CLIP2: variants seen among roughly 807,000 people sequenced by gnomAD.
CLIP2 encodes CAP-Gly domain-containing linker protein 2.
A neutral mutation model predicts 111.7 loss-of-function variants in CLIP2; 41 were observed. The ratio of observed to expected loss-of-function variants is 0.37; its 90% CI spans 0.29 to 0.48. CLIP2 has a LOEUF of 0.48. Ranked by LOEUF, CLIP2 falls within the 20% of genes least tolerant of loss-of-function variation. CLIP2 has a pLI of 0.99. For synonymous variants in CLIP2, 660 were observed against 644.2 expected, an observed-to-expected ratio of 1.02 and a Z score of -0.37; for missense variants, 1,160 against 1,422.1, an observed-to-expected ratio of 0.82 and a Z score of 2.96.
At chr7:74,356,220 A>G (rs1554308421) in intron 4 of CLIP2, among the ~76,000 whole-genome samples, 190 bp from the exon 5 acceptor site, 1 of 151,892 alleles carries the variant, frequency 6.6e-6, no homozygotes, top group Admixed American at 6.6e-5. Context: ...GACCCTACTC[A>G]CCTATATCCT....
At position 74,319,682 on chromosome 7, in the gene CLIP2, A is replaced by G. The variant is rs998228775; in HGVS notation, c.121+2015A>G. ...AAAAAATTTTTTTAATTAGCCAGGC[A>G]TGGTAGTGTGTGCCTGTAGTCCCAA... On this transcript the variant is annotated intron_variant, in intron 2 of 16. Transcript: ENST00000223398. Among the ~76,000 whole-genome samples, 7 of 151,866 alleles carry G rather than the reference A, an allele frequency of 4.6e-5. 1 individual carries two copies. Among genetic ancestry groups the G allele is most frequent in the South Asian group, 4.2e-4 (2 of 4,816 alleles).
chr7:74,319,281 C>T (rs1482537060), intron 2 of CLIP2, among the ~76,000 whole-genome samples: 3 of 151,810 alleles, frequency 2.0e-5, no homozygotes, highest in Admixed American at 6.6e-5. Context: ...GGGAGGCCAA[C>T]ACTGGAGGAT....
At position 74,289,609 on chromosome 7, in the gene CLIP2, C is replaced by T. The variant is rs117754473; in HGVS notation, c.-193C>T. Reference sequence around the variant, plus strand: ...TCCCCGGCGCCAGGAGGGGGTGCAGCCGGTGGGCAGCGCCGCGCAGGGAGG... The same window carrying T: ...TCCCCGGCGCCAGGAGGGGGTGCAGTCGGTGGGCAGCGCCGCGCAGGGAGG... On this transcript the variant is annotated 5_prime_UTR_variant, in exon 1 of 17. Transcript: ENST00000223398. The T allele has an allele frequency of 0.068, 10,363 of 152,006 alleles. 447 individuals carry two copies. The highest frequency in any genetic ancestry group is 0.19 in the South Asian group (903 of 4,824). 9.4% of individuals were successfully genotyped at this position (152,006 alleles called of 1,614,324 possible).
chr7:74,324,888 C>G (rs1554730497), intron 2 of CLIP2, among the ~76,000 whole-genome samples: 1 of 151,944 alleles, frequency 6.6e-6, no homozygotes, highest in South Asian at 2.1e-4. Context: ...ACGGTCCCCC[C>G]AGTCCTGTTG....
At chr7:74,335,927 A>G (rs1350727809) in intron 2 of CLIP2, among the ~76,000 whole-genome samples, 1 of 149,476 alleles carries the variant, frequency 6.7e-6, no homozygotes, top group African/African-American at 2.5e-5. Context: ...TATTTTTAGT[A>G]GAGACAGGGT....
intron 3 of CLIP2, among the ~76,000 whole-genome samples, chr7:74,350,323 A>T (rs1789946702): frequency 6.6e-6 from 1 of 152,094 alleles, no homozygotes. Context: ...AAGTGCTGGG[A>T]TTACAGGTTT....
intron 11 of CLIP2, among the ~76,000 whole-genome samples, chr7:74,384,276 G>T (rs1016712475): frequency 6.6e-6 from 1 of 151,952 alleles, no homozygotes; most frequent in South Asian, 2.1e-4. Flanking sequence ...TGGACATACC[G>T]CATTTTGTTG....
intron 3 of CLIP2, among the ~76,000 whole-genome samples, chr7:74,345,894 G>C (rs1554306130): frequency 2.0e-5 from 3 of 151,998 alleles, no homozygotes; most frequent in African/African-American, 7.2e-5. Context: ...GAAATATTTA[G>C]GTTCAGATAA....
chr7:74,290,657 C>T (rs147520759), intron 1 of CLIP2, among the ~76,000 whole-genome samples: 103 of 152,222 alleles, frequency 6.8e-4, no homozygotes, highest in Non-Finnish European at 1.2e-3. Flanking sequence ...GGGGGTCTGC[C>T]GTCACTCTTG....
At chr7:74,363,895 CAAAAAAA>C (rs11438621) in intron 7 of CLIP2, among the ~76,000 whole-genome samples, 2 of 96,694 alleles carry the variant, frequency 2.1e-5, no homozygotes, top group South Asian at 7.2e-4. Context: ...GACTCTGTCT[CAAAAAAA>C]AAAAAAAAAG....
intron 9 of CLIP2, among the ~76,000 whole-genome samples, chr7:74,375,681 G>C (rs1160762262): frequency 6.6e-6 from 1 of 151,496 alleles, no homozygotes; most frequent in Non-Finnish European, 1.5e-5. Flanking sequence ...AGCCAGGGAA[G>C]TCTTTCTGGA....
chr7:74,332,149 C>A (rs1267416517), intron 2 of CLIP2, among the ~76,000 whole-genome samples: 1 of 152,084 alleles, frequency 6.6e-6, no homozygotes, highest in Non-Finnish European at 1.5e-5. Flanking sequence ...TCTCGGCTCA[C>A]TGCAACCTCC....
chr7:74,340,433 C>T (rs1472795954), intron 3 of CLIP2, among the ~76,000 whole-genome samples: 6 of 152,088 alleles, frequency 3.9e-5, no homozygotes, highest in Non-Finnish European at 7.4e-5. Flanking sequence ...ATGGTTATAA[C>T]CCCTTGCCCA....
intron 1 of CLIP2, among the ~76,000 whole-genome samples, chr7:74,293,775 G>A (rs782795994): frequency 2.0e-5 from 3 of 152,218 alleles, no homozygotes; most frequent in Non-Finnish European, 4.4e-5. Context: ...GATCAGGCCA[G>A]TGTGGGGAGG....
At position 74,376,166 on chromosome 7, in the gene CLIP2, G is replaced by T. The variant is rs1554312780; in HGVS notation, c.1765G>T (p.Ala589Ser). ...GCTCCGCGCGGCCAACGAGAAGTAC[G>T]CACAGGAGGTGGCGGGCCTGAAGGA... ...DKLRAANEKY[A>S]QEVAGLKDKV... The change falls in exon 10 of 17, where the codon GCA becomes TCA. Residue 589 changes from alanine (A) to serine (S), a missense_variant. By Grantham distance (99) the Ala-to-Ser change is moderately conservative. This residue lies in a region of CLIP2 where 676 missense variants were observed against 777.8 expected (regional missense o/e 0.87). Coordinates refer to ENST00000223398, the MANE Select transcript of CLIP2 (RefSeq NM_003388.5). This position sits in a 1 kb window ranked among gnomAD's most constrained non-coding sequence, Gnocchi z 7.1. 3 of 1,611,386 alleles carry T rather than the reference G, an allele frequency of 1.9e-6. No individual in the cohort carries two copies. The highest frequency in any genetic ancestry group is 2.5e-6 in the Non-Finnish European group (3 of 1,178,818).
At chr7:74,304,529 A>T (rs1554727374) in intron 1 of CLIP2, among the ~76,000 whole-genome samples, 1 of 151,556 alleles carries the variant, frequency 6.6e-6, no homozygotes, top group Non-Finnish European at 1.5e-5. Context: ...CTGACAAAAA[A>T]ACCTGGGCGA....
intron 10 of CLIP2, among the ~76,000 whole-genome samples, chr7:74,378,603 T>C (rs897962391): frequency 6.6e-6 from 1 of 152,122 alleles, no homozygotes; most frequent in Non-Finnish European, 1.5e-5. Flanking sequence ...CCGAGTACAG[T>C]GGTAGTGTAC....
intron 6 of CLIP2, among the ~76,000 whole-genome samples, chr7:74,358,311 A>G (rs550425094): frequency 2.0e-5 from 3 of 152,028 alleles, no homozygotes; most frequent in Non-Finnish European, 4.4e-5. Context: ...TTGGCCTCCC[A>G]AAGTGCTGGG....
intron 3 of CLIP2, among the ~76,000 whole-genome samples, chr7:74,349,969 T>C (rs1340034431): frequency 1.3e-5 from 2 of 151,952 alleles, no homozygotes; most frequent in Non-Finnish European, 2.9e-5. Context: ...AGCGATAGGA[T>C]AGAAATAGAC....
Sources: allele counts gnomAD v4.1 joint callset (sites outside exome capture counted in the v4.1 genomes callset), GRCh38; gene constraint gnomAD v4.1.1; regional missense constraint gnomAD v4.1.1; non-coding constraint Gnocchi (gnomAD v3.1); transcripts MANE v1.5; gene names NCBI Gene and HGNC (gene_info 2026-07-23, HGNC 2026-07-21).